Variants in PSPC1 observed in about 807,000 individuals in gnomAD.
PSPC1 encodes the protein paraspeckle protein 1.
A neutral mutation model predicts 51.6 loss-of-function variants in PSPC1; 14 were observed. The observed-to-expected ratio is 0.27, with a 90% CI of 0.18 to 0.42. PSPC1 has a LOEUF of 0.42. Among genes scored for constraint, PSPC1 ranks in the 10% least tolerant of loss-of-function variants. PSPC1 has a pLI of 1.00. For synonymous variants in PSPC1, 193 were observed against 231.9 expected (o/e 0.83, Z 1.53); for missense variants, 406 against 701.1 (o/e 0.58, Z 4.75).
At chr13:19,777,435 A>AC (rs1354788632) in intron 1 of PSPC1, among the ~76,000 whole-genome samples, 2 of 147,068 alleles carry the variant, frequency 1.4e-5, no homozygotes, top group African/African-American at 4.9e-5. Context: ...AGCTCAAAAA[A>AC]AAAAAAAAAA....
chr13:19,677,039 C>T (rs974276365), intron 7 of PSPC1, among the ~76,000 whole-genome samples: 17 of 152,006 alleles, frequency 1.1e-4, no homozygotes, highest in Admixed American at 5.2e-4. Context: ...TCGAGACCAT[C>T]CTGGCTAACA....
chr13:19,724,520 C>T (rs1448973083), intron 6 of PSPC1, among the ~76,000 whole-genome samples: 2 of 152,166 alleles, frequency 1.3e-5, no homozygotes, highest in Non-Finnish European at 2.9e-5. Context: ...GAGGGGTTCA[C>T]ATTTGAAAGA....
chr13:19,706,361 G>A (rs1300999485), intron 7 of PSPC1, among the ~76,000 whole-genome samples: 3 of 150,922 alleles, frequency 2.0e-5, no homozygotes, highest in African/African-American at 7.3e-5. Flanking sequence ...TGAGTTTATG[G>A]AATACCTTGC....
chr13:19,719,424 G>A (rs533862720), intron 6 of PSPC1, among the ~76,000 whole-genome samples: 8 of 152,160 alleles, frequency 5.3e-5, no homozygotes, highest in Admixed American at 1.3e-4. Context: ...CCTGCCTCAG[G>A]CTCCCTAGTA....
Position 19,782,927 on chromosome 13 carries a change from G to A in PSPC1, c.-170C>T, listed in dbSNP as rs1260505995. 15 of 637,152 alleles carry A rather than the reference G, an allele frequency of 2.4e-5. No homozygotes were observed. The East Asian group carries it at 4.7e-4, about 20-fold the overall frequency. 39.5% of individuals were successfully genotyped at this position (637,152 alleles called of 1,614,324 possible). Reference sequence around the variant, plus strand: ...CCTCCCCCAACTCACGCCCGCTGCAGCTGCACATTCAAAATGGCGCTGCCA... The same window carrying A: ...CCTCCCCCAACTCACGCCCGCTGCAACTGCACATTCAAAATGGCGCTGCCA... On this transcript the variant is annotated 5_prime_UTR_variant, in exon 1 of 9. Transcript: ENST00000338910. This position sits in a 1 kb window ranked among gnomAD's most constrained non-coding sequence, Gnocchi z 4.5.
intron 7 of PSPC1, among the ~76,000 whole-genome samples, chr13:19,709,158 CAAA>C (rs11446310): frequency 1.1e-4 from 9 of 83,714 alleles, no homozygotes; most frequent in South Asian, 5.1e-4. Context: ...GGTCCTGCCT[CAAA>C]AAAAAAAAAA....
At chr13:19,672,390 C>A (rs1350304966), downstream of PSPC1, 2 of 152,802 alleles carry the variant, frequency 1.3e-5, no homozygotes, top group South Asian at 2.0e-4. Context: ...GTGATCCGCC[C>A]GCCTCGGCCT....
intron 6 of PSPC1, among the ~76,000 whole-genome samples, chr13:19,722,030 G>A (rs1882831766): frequency 6.6e-6 from 1 of 152,136 alleles, no homozygotes; most frequent in Non-Finnish European, 1.5e-5. Flanking sequence ...ATTGGCATTT[G>A]AAAAACAAGA....
intron 3 of PSPC1, among the ~76,000 whole-genome samples, chr13:19,753,128 C>A (rs906718938): frequency 3.3e-5 from 5 of 151,636 alleles, no homozygotes; most frequent in African/African-American, 1.2e-4. Flanking sequence ...ACTAAAATTA[C>A]AAAAATCAGC....
At chr13:19,683,081 A>G (rs1877462483) in intron 6 of PSPC1, among the ~76,000 whole-genome samples, 2 of 152,046 alleles carry the variant, frequency 1.3e-5, no homozygotes, top group South Asian at 4.1e-4. Flanking sequence ...AGAAAAAAAG[A>G]AAAAGAAAGA....
At chr13:19,767,514 C>T (rs1012817396) in intron 2 of PSPC1, among the ~76,000 whole-genome samples, 1 of 151,836 alleles carries the variant, frequency 6.6e-6, no homozygotes, top group South Asian at 2.1e-4. Context: ...ACCTAAATAG[C>T]CAAAAAAATT....
intron 8 of PSPC1, among the ~76,000 whole-genome samples, 185 bp from the exon 9 acceptor site, chr13:19,703,545 T>A (rs184686438): frequency 0.012 from 1,785 of 146,424 alleles, 18 homozygotes; most frequent in South Asian, 0.029. Context: ...ATGTTTTTTT[T>A]AAAAAAATGC....
At chr13:19,722,870 G>A (rs1882940873) in intron 6 of PSPC1, among the ~76,000 whole-genome samples, 1 of 152,072 alleles carries the variant, frequency 6.6e-6, no homozygotes. Context: ...AGCACTTTGG[G>A]AGGCCAAGGC....
At chr13:19,769,188 C>T (rs551022992) in intron 2 of PSPC1, among the ~76,000 whole-genome samples, 1 of 150,880 alleles carries the variant, frequency 6.6e-6, no homozygotes. Context: ...CGGTGGCTCA[C>T]GCCTGTAATC....
At chr13:19,722,565 A>G (rs1257919785) in intron 6 of PSPC1, among the ~76,000 whole-genome samples, 1 of 152,156 alleles carries the variant, frequency 6.6e-6, no homozygotes, top group Non-Finnish European at 1.5e-5. Flanking sequence ...AGGCTGAGGT[A>G]GGTGGATCAC....
Position 19,728,264 on chromosome 13 carries a change from T to C in PSPC1, c.1158+1975A>G, listed in dbSNP as rs192959684. On this transcript the variant is annotated intron_variant, in intron 6 of 8. Coordinates refer to ENST00000338910, the MANE Select transcript of PSPC1 (RefSeq NM_001354909.2). Reference sequence around the variant, plus strand: ...AAAAGTCCCATAACTCTTAGTTTTGTTGGAATATTTCTATTAGGAAGGCAA... The same window carrying C: ...AAAAGTCCCATAACTCTTAGTTTTGCTGGAATATTTCTATTAGGAAGGCAA... 7.9e-4 allele frequency among the ~76,000 whole-genome samples: 120 copies of C among 152,228 alleles called. 2 individuals are homozygous for C. In the East Asian group the frequency reaches 0.019, roughly 24 times the overall value.
intron 7 of PSPC1, among the ~76,000 whole-genome samples, chr13:19,677,030 C>A (rs553177018): frequency 6.6e-6 from 1 of 151,958 alleles, no homozygotes; most frequent in African/African-American, 2.4e-5. Flanking sequence ...GTCAGGAGAT[C>A]GAGACCATCC....
chr13:19,685,394 T>C (rs540572070), intron 6 of PSPC1, among the ~76,000 whole-genome samples: 5 of 152,350 alleles, frequency 3.3e-5, no homozygotes, highest in Admixed American at 3.3e-4. Flanking sequence ...GGAAAAACTA[T>C]GTGGTATAAA....
chr13:19,710,842 ATT>A (rs67829860), intron 6 of PSPC1, among the ~76,000 whole-genome samples: 189 of 149,044 alleles, frequency 1.3e-3, no homozygotes, highest in South Asian at 8.3e-3. Context: ...AAAAAGCTTA[ATT>A]TTTTTTTTTT....
Sources: allele counts gnomAD v4.1 joint callset (sites outside exome capture counted in the v4.1 genomes callset), GRCh38; gene constraint gnomAD v4.1.1; non-coding constraint Gnocchi (gnomAD v3.1); transcripts MANE v1.5; gene names NCBI Gene and HGNC (gene_info 2026-07-23, HGNC 2026-07-21).